Variants in CHRNE observed in about 807,000 individuals in gnomAD.
The protein encoded by CHRNE is cholinergic receptor nicotinic epsilon subunit, also known as acetylcholine receptor subunit epsilon.
A neutral mutation model predicts 56.5 loss-of-function variants in CHRNE; 58 were observed. The ratio of observed to expected loss-of-function variants is 1.03; its 90% CI spans 0.83 to 1.28. The LOEUF is 1.28. CHRNE is among the 50% of genes most tolerant of loss of function. CHRNE has a pLI of 0.00. For synonymous variants in CHRNE, 385 were observed against 297.9 expected (o/e 1.29, Z -3.01); for missense variants, 793 against 688.9 (o/e 1.15, Z -1.69).
chr17:4,901,370 A>G, intron 6 of CHRNE, 155 bp downstream of exon 6: 1 of 935,232 alleles, frequency 1.1e-6, no homozygotes, highest in East Asian at 2.6e-5. Context: ...GCAGGACTAG[A>G]GTAACAATCG....
upstream of CHRNE, among the ~76,000 whole-genome samples, chr17:4,904,807 G>A (rs1189173239): frequency 2.6e-5 from 4 of 152,096 alleles, no homozygotes; most frequent in African/African-American, 4.8e-5. Context: ...TGTTACAAGC[G>A]AGGACACATC....
upstream of CHRNE, chr17:4,903,151 T>G (rs1405525389): frequency 1.8e-5 from 25 of 1,365,030 alleles, no homozygotes; most frequent in Non-Finnish European, 2.6e-5. Flanking sequence ...GAGGAGGGTG[T>G]TAGTTCCGGG....
intron 5 of CHRNE, 59 bp downstream of exon 5, chr17:4,901,873 C>G: frequency 2.0e-6 from 3 of 1,476,116 alleles, no homozygotes; most frequent in African/African-American, 1.4e-5. Context: ...CGGTTGGCCC[C>G]GCCCCATAAG....
At position 4,899,398 on chromosome 17, in the gene CHRNE, G is replaced by A. The variant is rs756306460; in HGVS notation, c.1033-14C>T. 6 of 1,534,264 alleles carry A rather than the reference G, an allele frequency of 3.9e-6. No homozygotes were observed. The highest frequency in any genetic ancestry group is 2.0e-5 in the Admixed American group (1 of 49,056). On this transcript the variant is annotated splice_polypyrimidine_tract_variant and intron_variant, in intron 9 of 11. Transcript: ENST00000649488. ...CTCCAGGAGAACCTGGGGCAGGGGC[G>A]GGGCTTAGGGGACGAGGTTAGTACG...
In CHRNE at chr17:4,902,280, C is replaced by T. The variant is rs765267109; in HGVS notation, c.281G>A (p.Gly94Asp). 5 of 1,614,162 alleles carry T rather than the reference C, an allele frequency of 3.1e-6. No homozygotes were observed. Among genetic ancestry groups the T allele is most frequent in the Admixed American group, 1.7e-5 (1 of 60,020 alleles). ...RLNYSKDDFG[G>D]IETLRVPSEL... Reference sequence around the variant, plus strand: ...TGAAGGGACTCGCAGGGTTTCTATACCCCCAAAGTCGTCCTTGCTGTAGTT... The same window carrying T: ...TGAAGGGACTCGCAGGGTTTCTATATCCCCAAAGTCGTCCTTGCTGTAGTT... Residue 94 changes from glycine to aspartate, a missense_variant, in exon 4 of 12, where the codon GGT (glycine) becomes GAT (aspartate). By Grantham distance (94) the Gly-to-Asp change is moderately conservative. Transcript: ENST00000649488. The surrounding 1 kb of genome is among the most constrained non-coding windows in gnomAD (Gnocchi z 4.0).
In CHRNE at chr17:4,902,155, C is replaced by A. The variant is rs1185158099; in HGVS notation, c.344+62G>T. On this transcript the variant is annotated intron_variant, in intron 4 of 11. Transcript: ENST00000649488. The surrounding 1 kb of genome is among the most constrained non-coding windows in gnomAD (Gnocchi z 4.0). ...CCTCTCAGAGTACCCCCTTCCCCAA[C>A]CAAGTCCAGCCCGCACCCCAGGCCG... is the stretch of plus-strand genomic sequence containing the variant. 1 of 1,613,994 alleles carries A rather than the reference C, an allele frequency of 6.2e-7. No individual in the cohort carries two copies. The highest frequency in any genetic ancestry group is 8.5e-7 in the Non-Finnish European group (1 of 1,179,876).
In CHRNE at chr17:4,902,497, G is replaced by A. The variant is rs1416635329; in HGVS notation, c.190-3C>T. 1 of 1,614,018 alleles carries A rather than the reference G, an allele frequency of 6.2e-7. No individual in the cohort carries two copies. Among genetic ancestry groups the A allele is most frequent in the African/African-American group, 1.3e-5 (1 of 74,908 alleles). ...GTGAGAGTCTCCTCTTTTTCATTCT[G>A]CAGATGGGAGATGGGGATGATTGAA... On this transcript the variant is annotated splice_region_variant and splice_polypyrimidine_tract_variant and intron_variant, in intron 2 of 11. Transcript: ENST00000649488. This position sits in a 1 kb window ranked among gnomAD's most constrained non-coding sequence, Gnocchi z 4.0.
intron 8 of CHRNE, chr17:4,900,349 G>C: frequency 6.5e-7 from 1 of 1,547,830 alleles, no homozygotes; most frequent in Non-Finnish European, 8.7e-7. Context: ...CAAGCCGCAG[G>C]GCAGGGGGTT....
chr17:4,906,143 G>A (rs1271663991), upstream of CHRNE, among the ~76,000 whole-genome samples: 2 of 152,190 alleles, frequency 1.3e-5, no homozygotes, highest in Non-Finnish European at 2.9e-5. Context: ...CTCTGCAGAG[G>A]CAGCACTTTT....
chr17:4,905,282 C>A (rs751986250), upstream of CHRNE, among the ~76,000 whole-genome samples: 1 of 152,188 alleles, frequency 6.6e-6, no homozygotes, highest in African/African-American at 2.4e-5. Flanking sequence ...GGCACAGTGG[C>A]TCATGCCTGT....
intron 8 of CHRNE, 62 bp from the exon 9 acceptor site, chr17:4,899,644 G>C: frequency 6.8e-7 from 1 of 1,461,978 alleles, no homozygotes; most frequent in African/African-American, 1.4e-5. Context: ...GGCGCCGCGC[G>C]CTGACCTCAC....
chr17:4,900,301 A>G (rs1451939966), intron 8 of CHRNE: 1 of 1,545,338 alleles, frequency 6.5e-7, no homozygotes, highest in South Asian at 1.2e-5. Flanking sequence ...CCAGCCCCAG[A>G]CGGCAGGGAT....
In CHRNE at chr17:4,901,538, T is replaced by C. The variant is rs763114306; in HGVS notation, c.588A>G (p.Thr196=). 6.2e-7 allele frequency: 1 copy of C among 1,614,112 alleles called. No individual in the cohort carries two copies. The highest frequency in any genetic ancestry group is 1.1e-5 in the South Asian group (1 of 91,088). The part of the protein sequence containing the change: ...GKTINKIDID[T]EAYTENGEWA... ...CAGGGGCTTCACCAGTATAGGCCTC[T>C]GTGTCGATGTCGATCTTGTTGATGG... The change falls in exon 6 of 12, where the codon ACA becomes ACG. Residue 196 remains threonine, a synonymous_variant. Transcript: ENST00000649488.
At position 4,899,341 on chromosome 17, in the gene CHRNE, G is replaced by T. The variant is rs192195094; in HGVS notation, c.1076C>A (p.Pro359Gln). 13 of 1,547,386 alleles carry T rather than the reference G, an allele frequency of 8.4e-6. No individual in the cohort carries two copies. In the African/African-American group the frequency reaches 1.6e-4, roughly 20 times the overall value. Residue 359 changes from proline (P) to glutamine (Q), a missense_variant, in exon 10 of 12, where the codon CCG (proline) becomes CAG (glutamine). Transcript: ENST00000649488. ...LLPRLLGSPP[P>Q]PEAPRAASPP... The stretch of plus-strand genomic sequence containing the variant: ...CGAGGCGGCCCGGGGGGCCTCGGGC[G>T]GCGGCGGGGAGCCCAGGAGGCGCGG...
rs551856227 is a variant in CHRNE at position 4,899,216 on chromosome 17, G to C, written c.1201C>G (p.Arg401Gly). Residue 401 changes from arginine to glycine, a missense_variant, in exon 10 of 12, where the codon CGG (arginine) becomes GGG (glycine). Physicochemically the swap from Arg to Gly is moderately radical, Grantham distance 125. Coordinates refer to ENST00000649488, the MANE Select transcript of CHRNE (RefSeq NM_000080.4). ...TGCTCACCCGTCCAGGTCCCCTGCC[G>C]GTGCCTCTGCCCCTCAAACACGAGC... ...SELVFEGQRH[R>G]QGTWTAAFCQ... 6.2e-7 allele frequency: 1 copy of C among 1,605,876 alleles called. No individual in the cohort carries two copies. The highest frequency in any genetic ancestry group is 8.5e-7 in the Non-Finnish European group (1 of 1,178,394).
rs964034772 is a variant in CHRNE, at chr17:4,899,366, G to A, written c.1051C>T (p.Pro351Ser). The A allele has an allele frequency of 1.4e-5, 21 of 1,533,978 alleles. No individual in the cohort carries two copies. The African/African-American group carries it at 2.6e-4, about 19-fold the overall frequency. ...GGCGGCGGGGAGCCCAGGAGGCGCG[G>A]CAGCAGCTCCAGGAGAACCTGGGGC... The part of the protein sequence containing the change: ...RLRHVLLELL[P>S]RLLGSPPPPE... The change falls in exon 10 of 12, where the codon CCG becomes TCG. Residue 351 changes from proline (P) to serine (S), a missense_variant. Coordinates refer to ENST00000649488, the MANE Select transcript of CHRNE (RefSeq NM_000080.4).
At chr17:4,899,704 C>T (rs1969895117) in intron 8 of CHRNE, 122 bp from the exon 9 acceptor site, 2 of 1,498,938 alleles carry the variant, frequency 1.3e-6, no homozygotes, top group Admixed American at 2.0e-5. Context: ...AGCTGCGCCC[C>T]CTACACGACG....
intron 1 of CHRNE, among the ~76,000 whole-genome samples, chr17:4,908,125 C>T (rs187908422): frequency 1.7e-3 from 264 of 152,236 alleles, no homozygotes; most frequent in Non-Finnish European, 3.3e-3. Flanking sequence ...GAGCCTAGAT[C>T]GTGCCATTGC....
rs1555546937 is a variant in CHRNE, at chr17:4,901,891, C to CCG, written c.500+40_500+41insCG. On this transcript the variant is annotated intron_variant, in intron 5 of 11. Coordinates refer to ENST00000649488, the MANE Select transcript of CHRNE (RefSeq NM_000080.4). The stretch of plus-strand genomic sequence containing the variant: ...TTGGCCCCGCCCCATAAGGCCCCCC[C>CCG]CCAACAATAATCGTCCGGGCCTCGG... The CCG allele has an allele frequency of 8.7e-5, 139 of 1,606,204 alleles. 1 individual carries two copies. The highest frequency in any genetic ancestry group is 2.0e-4 in the Middle Eastern group (1 of 5,030).
Sources: allele counts gnomAD v4.1 joint callset (sites outside exome capture counted in the v4.1 genomes callset), GRCh38; gene constraint gnomAD v4.1.1; non-coding constraint Gnocchi (gnomAD v3.1); transcripts MANE v1.5; gene names NCBI Gene and HGNC (gene_info 2026-07-23, HGNC 2026-07-21).